GPI: variants seen among roughly 807,000 people sequenced by gnomAD.
The protein encoded by GPI is D-hexose-6-phosphate anomerase.
Under a neutral mutation model 75.8 loss-of-function variants are expected in GPI, and 56 were observed. The observed-to-expected ratio is 0.74, with a 90% CI of 0.60 to 0.92. GPI has a LOEUF of 0.92. GPI is among the 40% of genes least tolerant of loss of function. GPI has a pLI of 0.00. For synonymous variants in GPI, 288 were observed against 285.4 expected (o/e 1.01, Z -0.09); for missense variants, 638 against 741.0 (o/e 0.86, Z 1.61).
chr19:34,370,014 C>T (rs953027254), intron 4 of GPI, among the ~76,000 whole-genome samples: 2 of 152,250 alleles, frequency 1.3e-5, no homozygotes, highest in Non-Finnish European at 2.9e-5. Flanking sequence ...CTTTGAAACA[C>T]GTACACATGT....
rs752310865 is a variant in GPI at position 34,402,084 on chromosome 19, C to T, written c.*2048C>T. On this transcript the variant is annotated 3_prime_UTR_variant, in exon 18 of 18. Coordinates refer to ENST00000356487, the MANE Select transcript of GPI (RefSeq NM_000175.5). Reference sequence around the variant, plus strand: ...TTGGCCTCCCAAAGTGCTGGGATTACAGGCGTGAGTCACCGCGCCCGGCTC... The same window carrying T: ...TTGGCCTCCCAAAGTGCTGGGATTATAGGCGTGAGTCACCGCGCCCGGCTC... 1 of 151,862 alleles carries T rather than the reference C, an allele frequency of 6.6e-6. No individual in the cohort carries two copies. The highest frequency in any genetic ancestry group is 1.5e-5 in the Non-Finnish European group (1 of 68,044). The allele number at this position is 151,862 out of a possible 1,614,324, so 9.4% of individuals were successfully genotyped here.
chr19:34,389,576 G>A (rs887386346), intron 9 of GPI, among the ~76,000 whole-genome samples: 6 of 152,248 alleles, frequency 3.9e-5, no homozygotes, highest in African/African-American at 1.4e-4. Context: ...ACCATCCTTG[G>A]GAGAACTGAG....
chr19:34,381,310 C>T (rs1031886551), intron 8 of GPI, 156 bp from the exon 9 acceptor site: 7 of 716,778 alleles, frequency 9.8e-6, no homozygotes, highest in South Asian at 2.9e-5. Flanking sequence ...GCCCTGCCCT[C>T]GACTCACAGG....
intron 4 of GPI, among the ~76,000 whole-genome samples, chr19:34,373,810 G>T (rs995071983): frequency 6.6e-6 from 1 of 152,088 alleles, no homozygotes; most frequent in African/African-American, 2.4e-5. Flanking sequence ...CTTTGAAGAT[G>T]GCTCACTAGC....
chr19:34,366,130 A>G (rs1313614969), intron 1 of GPI: 2 of 696,466 alleles, frequency 2.9e-6, no homozygotes, highest in East Asian at 2.7e-5. Context: ...GCCTGCATCT[A>G]CGGTCTGTGA....
At chr19:34,368,530 T>C in intron 3 of GPI, 53 bp from the exon 4 acceptor site, 1 of 1,610,354 alleles carries the variant, frequency 6.2e-7, no homozygotes, top group Non-Finnish European at 8.5e-7. Flanking sequence ...GCTGGGAGCA[T>C]GGCTGCCTGG....
chr19:34,392,600 C>G (rs1223474131), intron 9 of GPI: 1 of 8,282 alleles, frequency 1.2e-4, no homozygotes, highest in African/African-American at 2.7e-3. Context: ...GAGGTAGGAT[C>G]TCATACAGGT....
chr19:34,364,677 C>T (rs867262256), upstream of GPI: 30 of 360,386 alleles, frequency 8.3e-5, no homozygotes, highest in Non-Finnish European at 5.5e-5. Flanking sequence ...CGCGCCCGGC[C>T]TAGTCACTTT....
Position 34,393,941 on chromosome 19 carries a change from G to T in GPI, c.937G>T (p.Glu313Ter). 1 of 1,613,704 alleles carries T rather than the reference G, an allele frequency of 6.2e-7. No homozygotes were observed. The highest frequency in any genetic ancestry group is 8.5e-7 in the Non-Finnish European group (1 of 1,179,960). The change falls in exon 12 of 18, where the codon GAG (glutamate) becomes TAG (stop). Residue 313 changes from glutamate to a stop codon, truncating the protein, a stop_gained. Coordinates refer to ENST00000356487, the MANE Select transcript of GPI (RefSeq NM_000175.5). LOFTEE classifies it high-confidence loss of function. The surrounding 1 kb of genome is among the most constrained non-coding windows in gnomAD (Gnocchi z 4.4). The stretch of plus-strand genomic sequence containing the variant: ...CCAGCACTTCCGCACGACGCCCCTG[G>T]AGAAGAACGCCCCCGTCTTGCTGGC... ...MDQHFRTTPL[E>*]KNAPVLLALL...
At position 34,399,224 on chromosome 19, in the gene GPI, C is replaced by G; in HGVS notation, c.1287C>G (p.Phe429Leu). 4 of 1,613,468 alleles carry G rather than the reference C, an allele frequency of 2.5e-6. No homozygotes were observed. Among genetic ancestry groups the G allele is most frequent in the Non-Finnish European group, 3.4e-6 (4 of 1,179,896 alleles). The part of the protein sequence containing the change: ...GLHHKILLAN[F>L]LAQTEALMRG... ...CTCATCAGATCCTCCTGGCCAACTT[C>G]TTGGCCCAGACAGAGGCCCTGATGA... is the stretch of plus-strand genomic sequence containing the variant. Residue 429 changes from phenylalanine to leucine, a missense_variant, in exon 15 of 18, where the codon TTC (phenylalanine) becomes TTG (leucine). Coordinates refer to ENST00000356487, the MANE Select transcript of GPI (RefSeq NM_000175.5).
chr19:34,383,817 A>G (rs1224164376), intron 9 of GPI, among the ~76,000 whole-genome samples: 2 of 152,156 alleles, frequency 1.3e-5, no homozygotes, highest in African/African-American at 4.8e-5. Flanking sequence ...GCAGACATCA[A>G]GGCTGAGCCA....
chr19:34,367,560 G>A (rs2074385674), intron 3 of GPI, among the ~76,000 whole-genome samples: 1 of 152,152 alleles, frequency 6.6e-6, no homozygotes, highest in African/African-American at 2.4e-5. Context: ...GTGAGGGTGG[G>A]GTGGCATGAA....
intron 12 of GPI, 60 bp from the exon 13 acceptor site, chr19:34,396,237 CTCTT>C (rs1454301100): frequency 6.9e-6 from 11 of 1,593,242 alleles, no homozygotes; most frequent in African/African-American, 6.7e-5. Context: ...TGCGCTCAGC[CTCTT>C]TCTTTCTTTT....
At chr19:34,380,264 G>T (rs897647563) in intron 8 of GPI, among the ~76,000 whole-genome samples, 1 of 151,460 alleles carries the variant, frequency 6.6e-6, no homozygotes, top group Non-Finnish European at 1.5e-5. Context: ...CCAAAGTGCT[G>T]GGATTACAGG....
intron 8 of GPI, among the ~76,000 whole-genome samples, chr19:34,380,371 C>T (rs765021083): frequency 2.0e-5 from 3 of 152,084 alleles, no homozygotes; most frequent in Non-Finnish European, 2.9e-5. Context: ...GCAACCTCTG[C>T]CTTCTGGGTT....
intron 9 of GPI, among the ~76,000 whole-genome samples, chr19:34,382,946 A>G (rs2074677142): frequency 6.6e-6 from 1 of 152,138 alleles, no homozygotes; most frequent in Non-Finnish European, 1.5e-5. Flanking sequence ...AGAAGGTGAT[A>G]TCTGAAGAAC....
At chr19:34,391,494 G>A (rs1488327043) in intron 9 of GPI, among the ~76,000 whole-genome samples, 2 of 752 alleles carry the variant, frequency 2.7e-3, no homozygotes, top group Non-Finnish European at 7.7e-3. Context: ...GACTTAGGAG[G>A]TACGATCTCT....
rs753178302 is a variant in GPI at position 34,396,330 on chromosome 19, C to T, written c.1092C>T (p.Ile364=). 18 of 1,614,166 alleles carry T rather than the reference C, an allele frequency of 1.1e-5. No homozygotes were observed. The highest frequency in any genetic ancestry group is 1.5e-5 in the Non-Finnish European group (18 of 1,179,994). ...QGDMESNGKY[I]TKSGTRVDHQ... is the part of the protein sequence containing the mutation. Reference sequence around the variant, plus strand: ...ACATGGAGTCCAATGGGAAATACATCACCAAATCTGGAACCCGTGTGGACC... The same window carrying T: ...ACATGGAGTCCAATGGGAAATACATTACCAAATCTGGAACCCGTGTGGACC... The change falls in exon 13 of 18, where the codon ATC becomes ATT. Residue 364 remains isoleucine (I), a synonymous_variant. Coordinates refer to ENST00000356487, the MANE Select transcript of GPI (RefSeq NM_000175.5).
intron 9 of GPI, among the ~76,000 whole-genome samples, chr19:34,384,257 C>T (rs968976067): frequency 2.6e-5 from 4 of 152,118 alleles, no homozygotes; most frequent in East Asian, 1.9e-4. Flanking sequence ...AAAGGGATGA[C>T]GAACCGCATC....
Sources: allele counts gnomAD v4.1 joint callset (sites outside exome capture counted in the v4.1 genomes callset), GRCh38; gene constraint gnomAD v4.1.1; non-coding constraint Gnocchi (gnomAD v3.1); transcripts MANE v1.5; gene names NCBI Gene and HGNC (gene_info 2026-07-23, HGNC 2026-07-21).